The following LRP1B variants were observed in gnomAD, a reference collection of about 807,000 sequenced individuals.
LRP1B encodes the protein LDL receptor related protein 1B.
In LRP1B, 217 loss-of-function variants were observed where a neutral mutation model predicts 556.6. The observed-to-expected ratio is 0.39, with a 90% CI of 0.35 to 0.44. LRP1B has a LOEUF of 0.44. LRP1B is among the 20% of genes least tolerant of loss of function. LRP1B has a pLI of 1.00. For missense variants in LRP1B, 5,053 were observed against 5,620.8 expected (o/e 0.90, Z 3.23); for synonymous variants, 2,047 against 1,865.8 (o/e 1.10, Z -2.50).
intron 35 of LRP1B, among the ~76,000 whole-genome samples, chr2:140,745,340 A>G (rs1186348662): frequency 6.6e-6 from 1 of 152,168 alleles, no homozygotes. Context: ...GTCAATTTCT[A>G]TTACTCAAAT....
At chr2:141,654,223 C>T (rs1045367460) in intron 2 of LRP1B, among the ~76,000 whole-genome samples, 9 of 152,188 alleles carry the variant, frequency 5.9e-5, no homozygotes, top group South Asian at 2.1e-4. Context: ...TATTTGATCA[C>T]ATGAGATTTT....
intron 86 of LRP1B, among the ~76,000 whole-genome samples, chr2:140,265,847 C>T (rs1682177102): frequency 6.6e-6 from 1 of 151,908 alleles, no homozygotes; most frequent in African/African-American, 2.4e-5. Context: ...TTCATGTTCC[C>T]TTAGCTGGAC....
intron 2 of LRP1B, among the ~76,000 whole-genome samples, chr2:141,547,006 T>A (rs1246312116): frequency 6.6e-6 from 1 of 152,204 alleles, no homozygotes; most frequent in Non-Finnish European, 1.5e-5. Context: ...CTTTTCCTAA[T>A]GGTTCCCAAA....
intron 35 of LRP1B, among the ~76,000 whole-genome samples, chr2:140,759,479 AAT>A (rs1423153119): frequency 1.3e-5 from 2 of 152,216 alleles, no homozygotes; most frequent in African/African-American, 2.4e-5. Context: ...CTTTAAGACT[AAT>A]GAAACTAGTT....
chr2:140,287,827 A>G (rs1416446838), intron 84 of LRP1B, among the ~76,000 whole-genome samples: 1 of 151,642 alleles, frequency 6.6e-6, no homozygotes, highest in Non-Finnish European at 1.5e-5. Flanking sequence ...TGGAGGATCT[A>G]TATTGTGAAA....
At chr2:140,739,196 T>G (rs1219637302) in intron 35 of LRP1B, among the ~76,000 whole-genome samples, 1 of 152,146 alleles carries the variant, frequency 6.6e-6, no homozygotes, top group Non-Finnish European at 1.5e-5. Context: ...GAGAAAGAGA[T>G]AGAGACATGT....
intron 2 of LRP1B, among the ~76,000 whole-genome samples, chr2:141,649,974 G>A (rs1689723790): frequency 6.6e-6 from 1 of 152,204 alleles, no homozygotes; most frequent in African/African-American, 2.4e-5. Context: ...GAGGTCAGGA[G>A]TTTGAGACCA....
chr2:140,277,181 A>T (rs778176040), intron 84 of LRP1B, among the ~76,000 whole-genome samples: 2 of 152,000 alleles, frequency 1.3e-5, no homozygotes, highest in African/African-American at 2.4e-5. Context: ...ACCACACTCC[A>T]GCAAAGAGTA....
At chr2:141,796,291 A>C (rs368140604) in intron 2 of LRP1B, among the ~76,000 whole-genome samples, 17 of 152,184 alleles carry the variant, frequency 1.1e-4, no homozygotes, top group African/African-American at 4.1e-4. Context: ...ATCGGAGTGC[A>C]GAAATTCAAC....
In LRP1B at chr2:141,089,153, A is replaced by G. The variant is rs181230262; in HGVS notation, c.1014-26880T>C. Among the ~76,000 whole-genome samples the G allele has an allele frequency of 1.6e-3, 245 of 152,302 alleles. 1 individual carries two copies. Among genetic ancestry groups the G allele is most frequent in the Non-Finnish European group, 1.3e-3 (91 of 68,016 alleles). On this transcript the variant is annotated intron_variant, in intron 7 of 90. Coordinates refer to ENST00000389484, the MANE Select transcript of LRP1B (RefSeq NM_018557.3). Reference sequence around the variant, plus strand: ...GTAGCCTCAAATCCATTATAGTTTGAATAGAAGACTAATAGCAGCAACAAT... The same window carrying G: ...GTAGCCTCAAATCCATTATAGTTTGGATAGAAGACTAATAGCAGCAACAAT...
At chr2:140,738,180 A>G (rs1388030201) in intron 35 of LRP1B, among the ~76,000 whole-genome samples, 4 of 152,156 alleles carry the variant, frequency 2.6e-5, no homozygotes, top group Non-Finnish European at 4.4e-5. Flanking sequence ...TCTTGTATCT[A>G]TGGATCAGCA....
chr2:141,681,805 G>A (rs1691114823), intron 2 of LRP1B, among the ~76,000 whole-genome samples: 1 of 152,112 alleles, frequency 6.6e-6, no homozygotes, highest in Admixed American at 6.6e-5. Context: ...AGTGAATTCA[G>A]TTAAATTATC....
At chr2:141,063,196 T>C (rs931141421) in intron 7 of LRP1B, among the ~76,000 whole-genome samples, 7 of 151,830 alleles carry the variant, frequency 4.6e-5, no homozygotes, top group African/African-American at 1.4e-4. Context: ...CAATTTACAG[T>C]GACTGAGCAA....
intron 1 of LRP1B, among the ~76,000 whole-genome samples, chr2:142,129,533 G>A (rs1227177063): frequency 6.6e-6 from 1 of 151,004 alleles, no homozygotes; most frequent in African/African-American, 2.4e-5. Flanking sequence ...ATCTCCCAAT[G>A]CAACATTCTG....
intron 3 of LRP1B, among the ~76,000 whole-genome samples, chr2:141,402,605 A>G (rs1270622627): frequency 6.6e-6 from 1 of 152,076 alleles, no homozygotes; most frequent in Non-Finnish European, 1.5e-5. Flanking sequence ...CCAAAGTTGT[A>G]TCTTCATGTA....
At chr2:141,091,420 CAACAAA>C (rs1346695905) in intron 7 of LRP1B, among the ~76,000 whole-genome samples, 2 of 152,188 alleles carry the variant, frequency 1.3e-5, no homozygotes, top group African/African-American at 4.8e-5. Flanking sequence ...ACAACAACAA[CAACAAA>C]AAACATTGCT....
chr2:141,343,285 C>T (rs1005522259), intron 3 of LRP1B, among the ~76,000 whole-genome samples: 2 of 152,014 alleles, frequency 1.3e-5, no homozygotes, highest in African/African-American at 4.8e-5. Context: ...CTTAACATAC[C>T]CAGTCTTTCC....
At chr2:141,510,193 C>CTG (rs1286380829) in intron 2 of LRP1B, among the ~76,000 whole-genome samples, 1 of 133,496 alleles carries the variant, frequency 7.5e-6, no homozygotes, top group African/African-American at 2.8e-5. Flanking sequence ...TTCGGCAATA[C>CTG]AGACACACAC....
Position 140,748,436 on chromosome 2 carries a change from T to C in LRP1B, c.5758+20777A>G, listed in dbSNP as rs1284024216. Among the ~76,000 whole-genome samples the C allele has an allele frequency of 3.2e-5, 3 of 94,772 alleles. 1 individual carries two copies. The highest frequency in any genetic ancestry group is 1.1e-4 in the African/African-American group (3 of 26,132). The allele number at this position is 94,772 out of a possible 152,430, so 62.2% of individuals were successfully genotyped here. A position where few individuals can be genotyped will look rare whatever the true frequency, so the allele number is the denominator to read the frequency against. Reference sequence around the variant, plus strand: ...ATATATAATATATATTATATTTATATATATATTATATATATATATACACAC... The same window carrying C: ...ATATATAATATATATTATATTTATACATATATTATATATATATATACACAC... On this transcript the variant is annotated intron_variant, in intron 35 of 90. Transcript: ENST00000389484.
Sources: allele counts gnomAD v4.1 joint callset (sites outside exome capture counted in the v4.1 genomes callset), GRCh38; gene constraint gnomAD v4.1.1; transcripts MANE v1.5; gene names NCBI Gene and HGNC (gene_info 2026-07-23, HGNC 2026-07-21).